VPS53: variants seen among roughly 807,000 people sequenced by gnomAD.
The protein encoded by VPS53 is VPS53 subunit of GARP complex, also known as vacuolar protein sorting-associated protein 53 homolog.
VPS53 carries 70 observed loss-of-function variants against 107.0 expected under a neutral mutation model. That is an observed-to-expected ratio of 0.65 (90% CI 0.54 to 0.80). The LOEUF (loss-of-function observed/expected upper bound fraction) is 0.80. Ranked by LOEUF, VPS53 falls within the 30% of genes least tolerant of loss-of-function variation. The pLI, the probability that VPS53 is intolerant of heterozygous loss-of-function variation, is 0.00. For synonymous variants in VPS53, 409 were observed against 393.3 expected (o/e 1.04, Z -0.47); for missense variants, 917 against 1,049.4 (o/e 0.87, Z 1.74).
At chr17:570,932 G>A (rs1478373669) in intron 13 of VPS53, among the ~76,000 whole-genome samples, 1 of 152,174 alleles carries the variant, frequency 6.6e-6, no homozygotes, top group Non-Finnish European at 1.5e-5. Flanking sequence ...TTGTACTGTG[G>A]TTATGTAGAA....
chr17:618,617 A>G (rs1969281621), intron 11 of VPS53, among the ~76,000 whole-genome samples: 1 of 149,510 alleles, frequency 6.7e-6, no homozygotes, highest in East Asian at 2.0e-4. Context: ...TGCCCAGCTA[A>G]TATTTCCCGG....
chr17:578,236 C>T (rs972627877), intron 13 of VPS53, among the ~76,000 whole-genome samples: 2 of 151,984 alleles, frequency 1.3e-5, no homozygotes, highest in East Asian at 1.9e-4. Flanking sequence ...GAACCTGATG[C>T]GTTCCCAGAG....
At chr17:548,342 AATG>A (rs1178063114) in intron 17 of VPS53, among the ~76,000 whole-genome samples, 251 of 151,806 alleles carry the variant, frequency 1.7e-3, no homozygotes, top group Non-Finnish European at 2.9e-3. Context: ...AGAATCATCC[AATG>A]ACTACACTCC....
chr17:548,259 C>T (rs1021307052), intron 17 of VPS53, among the ~76,000 whole-genome samples: 9 of 152,230 alleles, frequency 5.9e-5, no homozygotes, highest in Admixed American at 4.6e-4. Context: ...AGAATGAGGT[C>T]TCCCAGGAAA....
chr17:674,625 G>A (rs372346499), intron 4 of VPS53: 7 of 152,166 alleles, frequency 4.6e-5, no homozygotes, highest in African/African-American at 1.2e-4. Context: ...CAGTTTCTTC[G>A]TCATACTGAG....
chr17:689,800 A>G (rs970894224), intron 4 of VPS53, among the ~76,000 whole-genome samples: 2 of 152,144 alleles, frequency 1.3e-5, no homozygotes, highest in African/African-American at 4.8e-5. Flanking sequence ...CTTGAATTGC[A>G]TAATATGCTA....
At chr17:651,826 G>C (rs1021250138) in intron 7 of VPS53, among the ~76,000 whole-genome samples, 2 of 152,074 alleles carry the variant, frequency 1.3e-5, no homozygotes, top group African/African-American at 4.8e-5. Context: ...AGAAAAGGTG[G>C]TGCATCAACT....
At chr17:629,453 CAT>C (rs1472221759) in intron 8 of VPS53, among the ~76,000 whole-genome samples, 1 of 152,104 alleles carries the variant, frequency 6.6e-6, no homozygotes, top group Non-Finnish European at 1.5e-5. Flanking sequence ...AAGAAAAGCC[CAT>C]AGTCTTTAAA....
intron 11 of VPS53, among the ~76,000 whole-genome samples, chr17:608,796 T>A (rs557480282): frequency 1.3e-5 from 2 of 152,116 alleles, no homozygotes; most frequent in African/African-American, 4.8e-5. Flanking sequence ...TAAAATTTTT[T>A]TTTAGAGACA....
intron 2 of VPS53, among the ~76,000 whole-genome samples, chr17:701,597 C>T (rs906302719): frequency 7.9e-5 from 12 of 152,086 alleles, no homozygotes; most frequent in Non-Finnish European, 1.6e-4. Context: ...AGGATGGTCT[C>T]GATCTCTTGA....
Position 710,597 on chromosome 17 carries a change from T to C in VPS53, c.104A>G (p.Asp35Gly). Residue 35 changes from aspartate (D) to glycine (G), a missense_variant, in exon 2 of 22, where the codon GAC (aspartate) becomes GGC (glycine). Coordinates refer to ENST00000437048, the MANE Select transcript of VPS53 (RefSeq NM_001128159.3). ...LAIEQVFPSQ[D>G]PLDRADFNAV... ...ATTGAAATCTGCTCGATCTAGAGGGTCCTGGCTTGGAAACACCTATATAGA... is the reference window on the plus strand; with the variant it reads ...ATTGAAATCTGCTCGATCTAGAGGGCCCTGGCTTGGAAACACCTATATAGA... The C allele has an allele frequency of 6.2e-7, 1 of 1,613,846 alleles. No homozygotes were observed. The highest frequency in any genetic ancestry group is 8.5e-7 in the Non-Finnish European group (1 of 1,179,814).
chr17:579,072 G>C (rs917418753), intron 13 of VPS53, among the ~76,000 whole-genome samples: 1 of 138,950 alleles, frequency 7.2e-6, no homozygotes, highest in Non-Finnish European at 1.5e-5. Context: ...CAGAACCTCA[G>C]TGCATTACCA....
At chr17:547,102 C>T (rs1911273061) in intron 17 of VPS53, among the ~76,000 whole-genome samples, 1 of 152,098 alleles carries the variant, frequency 6.6e-6, no homozygotes, top group African/African-American at 2.4e-5. Context: ...GTCTTGAACT[C>T]CTGACCTCAG....
intron 19 of VPS53, among the ~76,000 whole-genome samples, chr17:528,848 C>T (rs1177695353): frequency 6.6e-6 from 1 of 152,126 alleles, no homozygotes; most frequent in Non-Finnish European, 1.5e-5. Context: ...ATCTGCCTGC[C>T]TCAGCCTCCC....
At chr17:561,607 T>G (rs1048915820) in intron 14 of VPS53, among the ~76,000 whole-genome samples, 1 of 152,164 alleles carries the variant, frequency 6.6e-6, no homozygotes, top group Non-Finnish European at 1.5e-5. Flanking sequence ...CTTTGGGTAG[T>G]GGGATTATAC....
At chr17:586,561 C>G (rs1444105253) in intron 12 of VPS53, among the ~76,000 whole-genome samples, 197 bp from the exon 13 acceptor site, 1 of 152,200 alleles carries the variant, frequency 6.6e-6, no homozygotes, top group Non-Finnish European at 1.5e-5. Flanking sequence ...CTCACTTGCT[C>G]TGGACGATGA....
chr17:684,975 C>G (rs1231425537), intron 4 of VPS53: 1 of 151,732 alleles, frequency 6.6e-6, no homozygotes, highest in Non-Finnish European at 1.5e-5. Flanking sequence ...GCAACAAGAG[C>G]TAGATTCTGT....
chr17:661,499 C>T (rs1486721898), intron 5 of VPS53, among the ~76,000 whole-genome samples: 2 of 137,978 alleles, frequency 1.4e-5, no homozygotes, highest in East Asian at 2.1e-4. Flanking sequence ...CCAAGGCTGG[C>T]GACAGAGCAA....
In VPS53 at chr17:580,688, C is replaced by T. The variant is rs552777128; in HGVS notation, c.1313+5582G>A. 1.1e-4 allele frequency among the ~76,000 whole-genome samples: 16 copies of T among 149,578 alleles called. 1 individual carries two copies. In the South Asian group the frequency reaches 3.4e-3, roughly 32 times the overall value. On this transcript the variant is annotated intron_variant, in intron 13 of 21. Transcript: ENST00000437048. ...AGAGAACTTCCCTCAGAACCTAATG[C>T]GTTCCCAGAGATCCTCCCTCAGAAT...
Sources: allele counts gnomAD v4.1 joint callset (sites outside exome capture counted in the v4.1 genomes callset), GRCh38; gene constraint gnomAD v4.1.1; transcripts MANE v1.5; gene names NCBI Gene and HGNC (gene_info 2026-07-23, HGNC 2026-07-21).